DLEU7: variants seen among roughly 807,000 people sequenced by gnomAD.
The protein encoded by DLEU7 is leukemia-associated protein 7.
DLEU7 carries 17 observed loss-of-function variants against 16.0 expected under a neutral mutation model. That is an observed-to-expected ratio of 1.06 (90% CI 0.73 to 1.59). The LOEUF (loss-of-function observed/expected upper bound fraction) is 1.59. DLEU7 is among the 40% of genes most tolerant of loss of function. DLEU7 has a pLI of 0.00. For synonymous variants in DLEU7, 113 were observed against 139.8 expected (o/e 0.81, Z 1.35); for missense variants, 308 against 314.9 (o/e 0.98, Z 0.17).
chr13:50,802,004 G>A (rs1876262067), intron 1 of DLEU7, among the ~76,000 whole-genome samples: 2 of 151,480 alleles, frequency 1.3e-5, no homozygotes, highest in Admixed American at 6.6e-5. Flanking sequence ...GGCCCGCTTG[G>A]ATCAGTGCCA....
At chr13:50,794,850 C>T (rs7995886) in intron 1 of DLEU7, among the ~76,000 whole-genome samples, 64,366 of 151,782 alleles carry the variant, frequency 0.42, 13,991 homozygotes, top group African/African-American at 0.52. Context: ...AGGTCCACAT[C>T]TGGAAGCTGG....
At chr13:50,717,956 A>G (rs193270315) in intron 1 of DLEU7, among the ~76,000 whole-genome samples, 399 of 152,344 alleles carry the variant, frequency 2.6e-3, no homozygotes, top group African/African-American at 8.7e-3. Context: ...TGACATAGCT[A>G]TGGGAAAATT....
chr13:50,747,685 T>A (rs565731843), intron 1 of DLEU7, among the ~76,000 whole-genome samples: 37 of 152,248 alleles, frequency 2.4e-4, no homozygotes, highest in African/African-American at 8.4e-4. Flanking sequence ...CTGTAAGTGA[T>A]GATTTTGCAT....
At chr13:50,805,571 A>T (rs1023080585) in intron 1 of DLEU7, among the ~76,000 whole-genome samples, 3 of 152,114 alleles carry the variant, frequency 2.0e-5, no homozygotes, top group Non-Finnish European at 4.4e-5. Flanking sequence ...TGCATCTATC[A>T]TATAACCCTT....
At chr13:50,838,709 T>C (rs1769719764) in intron 1 of DLEU7, among the ~76,000 whole-genome samples, 1 of 152,200 alleles carries the variant, frequency 6.6e-6, no homozygotes, top group South Asian at 2.1e-4. Flanking sequence ...CTCATTCATA[T>C]GTTCAACCCC....
chr13:50,822,852 C>T (rs971544942), downstream of DLEU7: 2 of 987,302 alleles, frequency 2.0e-6, no homozygotes, highest in Admixed American at 5.9e-5. Context: ...AAGGAAGTGT[C>T]CAGTAAGTAT....
intron 1 of DLEU7, among the ~76,000 whole-genome samples, chr13:50,714,223 A>T (rs1873374625): frequency 1.3e-5 from 2 of 152,186 alleles, no homozygotes; most frequent in Non-Finnish European, 2.9e-5. Context: ...GCCATGCCTG[A>T]GGTCTAGGGC....
intron 1 of DLEU7, among the ~76,000 whole-genome samples, chr13:50,794,460 G>A (rs1876053613): frequency 6.6e-6 from 1 of 152,182 alleles, no homozygotes; most frequent in African/African-American, 2.4e-5. Flanking sequence ...AGTTGAATTG[G>A]AGCCAAATTG....
At chr13:50,778,605 G>T (rs1459187415) in intron 1 of DLEU7, among the ~76,000 whole-genome samples, 1 of 152,144 alleles carries the variant, frequency 6.6e-6, no homozygotes, top group African/African-American at 2.4e-5. Context: ...TAATTTTAGG[G>T]ATCAAAAGAC....
chr13:50,737,161 C>G (rs1478676510), intron 1 of DLEU7, among the ~76,000 whole-genome samples: 4 of 151,976 alleles, frequency 2.6e-5, no homozygotes, highest in Non-Finnish European at 4.4e-5. Context: ...AAAAACCTGT[C>G]AAAGACATTT....
In DLEU7 at chr13:50,756,874, G is replaced by A. The variant is rs186799203; in HGVS notation, c.460-43634C>T. 5.7e-3 allele frequency among the ~76,000 whole-genome samples: 872 copies of A among 152,256 alleles called. 13 individuals carry two copies. The highest frequency in any genetic ancestry group is 4.9e-3 in the Non-Finnish European group (332 of 68,010). Reference sequence around the variant, plus strand: ...GGAATAGCCTGCTTGGGGACCCAGCGAGCTCCTGGGGCCTTTCCCGCTGCT... The same window carrying A: ...GGAATAGCCTGCTTGGGGACCCAGCAAGCTCCTGGGGCCTTTCCCGCTGCT... On this transcript the variant is annotated intron_variant, in intron 1 of 1. Transcript: ENST00000400393.
rs752579763 is a variant in DLEU7 at position 50,843,212 on chromosome 13, C to T, written c.435G>A (p.Glu145=). The T allele has an allele frequency of 1.1e-5, 17 of 1,593,974 alleles. No individual in the cohort carries two copies. Among genetic ancestry groups the T allele is most frequent in the Non-Finnish European group, 8.5e-7 (1 of 1,171,048 alleles). Residue 145 remains glutamate (E), a synonymous_variant, in exon 1 of 2, where the codon GAG becomes GAA. Transcript: ENST00000504404. The surrounding 1 kb of genome is among the most constrained non-coding windows in gnomAD (Gnocchi z 5.7). ...EQTLLGPLQQ[E]RSFPIHLKDS... is the part of the protein sequence containing the mutation. Reference sequence around the variant, plus strand: ...CCTTCAGGTGAATGGGAAAGGACCGCTCCTGCTGGAGGGGCCCCAGCAGCG... The same window carrying T: ...CCTTCAGGTGAATGGGAAAGGACCGTTCCTGCTGGAGGGGCCCCAGCAGCG...
intron 1 of DLEU7, among the ~76,000 whole-genome samples, chr13:50,749,899 C>CT (rs1271152302): frequency 9.2e-5 from 14 of 152,156 alleles, no homozygotes; most frequent in Non-Finnish European, 1.5e-5. Context: ...TCTGTTTACT[C>CT]TGACTGTTCC....
rs977353456 is a variant in DLEU7 at position 50,798,688 on chromosome 13, G to A, written c.459+44500C>T. Among the ~76,000 whole-genome samples the A allele has an allele frequency of 5.3e-5, 8 of 152,174 alleles. No homozygotes were observed. In the East Asian group the frequency reaches 5.8e-4, roughly 11 times the overall value. The stretch of plus-strand genomic sequence containing the variant: ...CAAGAGAAACTCTCTGAGGCTGTCC[G>A]GGTCTCATGTCAACCTCCAGGCCAC... On this transcript the variant is annotated intron_variant, in intron 1 of 1. Coordinates refer to the DLEU7 transcript ENST00000400393.
chr13:50,843,817 T>G (rs959105220), upstream of DLEU7: 29 of 894,566 alleles, frequency 3.2e-5, no homozygotes, highest in Non-Finnish European at 4.3e-5. This position sits in a 1 kb window ranked among gnomAD's most constrained non-coding sequence, Gnocchi z 5.7. Context: ...TGACCCGTGC[T>G]GGCCTCTGCC....
chr13:50,830,491 C>T (rs77093415), intron 1 of DLEU7, among the ~76,000 whole-genome samples: 1,804 of 152,250 alleles, frequency 0.012, 40 homozygotes, highest in African/African-American at 0.041. Flanking sequence ...AACACAAAAC[C>T]CCAATTCTAT....
intron 1 of DLEU7, among the ~76,000 whole-genome samples, chr13:50,716,969 C>CCAATTTAAACCA (rs2137702099): frequency 6.6e-6 from 1 of 152,244 alleles, no homozygotes; most frequent in South Asian, 2.1e-4. Flanking sequence ...TATATATACA[C>CCAATTTAAACCA]ATGACGCATT....
chr13:50,823,630 G>T (rs796971723), intron 1 of DLEU7, 110 bp from the exon 2 acceptor site: 79 of 1,062,304 alleles, frequency 7.4e-5, no homozygotes, highest in Non-Finnish European at 8.5e-5. Context: ...CAGCACTCTG[G>T]TTTTTTTTTT....
At chr13:50,809,800 GC>G (rs901854321) in intron 1 of DLEU7, among the ~76,000 whole-genome samples, 2 of 151,960 alleles carry the variant, frequency 1.3e-5, no homozygotes, top group African/African-American at 4.8e-5. Flanking sequence ...AAGTGTCTTT[GC>G]AAAAAAGATA....
Sources: allele counts gnomAD v4.1 joint callset (sites outside exome capture counted in the v4.1 genomes callset), GRCh38; gene constraint gnomAD v4.1.1; non-coding constraint Gnocchi (gnomAD v3.1); transcripts MANE v1.5; gene names NCBI Gene and HGNC (gene_info 2026-07-23, HGNC 2026-07-21).